RDH13: variants seen among roughly 807,000 people sequenced by gnomAD.
RDH13 encodes the protein retinol dehydrogenase 13 (all-trans and 9-cis).
In RDH13, 35 loss-of-function variants were observed where a neutral mutation model predicts 28.3. That is an observed-to-expected ratio of 1.24 (90% CI 0.95 to 1.64). The LOEUF is 1.64. Ranked by LOEUF, RDH13 falls within the 40% of genes most tolerant of loss-of-function variation. The pLI, the probability that RDH13 is intolerant of heterozygous loss-of-function variation, is 0.00. For synonymous variants in RDH13, 229 were observed against 198.5 expected, an observed-to-expected ratio of 1.15 and a Z score of -1.29; for missense variants, 514 against 446.3, an observed-to-expected ratio of 1.15 and a Z score of -1.37.
intron 3 of RDH13, chr19:55,050,868 A>G (rs1201809942): frequency 6.6e-6 from 1 of 151,990 alleles, no homozygotes. Flanking sequence ...TCTGTGTGAG[A>G]AGGAGGGGGT....
At position 55,048,671 on chromosome 19, in the gene RDH13, C is replaced by T. The variant is rs766560945; in HGVS notation, c.433G>A (p.Val145Ile). 25 of 1,613,906 alleles carry T rather than the reference C, an allele frequency of 1.5e-5. No homozygotes were observed. The highest frequency in any genetic ancestry group is 1.1e-4 in the East Asian group (5 of 44,864). Reference sequence around the variant, plus strand: ...GCCCAGGCCTCACCCAGGTGGTTAACGCCAAACTGCATCTCGAAGCCGTCC... The same window carrying T: ...GCCCAGGCCTCACCCAGGTGGTTAATGCCAAACTGCATCTCGAAGCCGTCC... ...TEDGFEMQFG[V>I]NHLGHFLLTN... The change falls in exon 4 of 7, where the codon GTT becomes ATT. Residue 145 changes from valine to isoleucine, a missense_variant. Coordinates refer to ENST00000415061, the MANE Select transcript of RDH13 (RefSeq NM_001145971.2).
chr19:55,052,438 G>GGAGGCT (rs1381321773), intron 3 of RDH13, among the ~76,000 whole-genome samples: 4 of 151,436 alleles, frequency 2.6e-5, no homozygotes, highest in Non-Finnish European at 5.9e-5. Flanking sequence ...CAGCTACTCG[G>GGAGGCT]GAGGCTGAGG....
At chr19:55,049,789 C>G in intron 3 of RDH13, among the ~76,000 whole-genome samples, 1 of 126,482 alleles carries the variant, frequency 7.9e-6, no homozygotes, top group Non-Finnish European at 1.6e-5. Context: ...AACTCCATCT[C>G]AAAAAAAAAA....
rs974159452 is a variant in RDH13, at chr19:55,044,753, C to T, written c.*321G>A. The T allele has an allele frequency of 9.0e-5, 34 of 379,164 alleles. No homozygotes were observed. Among genetic ancestry groups the T allele is most frequent in the East Asian group, 2.1e-4 (5 of 23,438 alleles). 23.5% of individuals were successfully genotyped at this position (379,164 alleles called of 1,614,324 possible). On this transcript the variant is annotated 3_prime_UTR_variant, in exon 7 of 7. Transcript: ENST00000415061. The stretch of plus-strand genomic sequence containing the variant: ...CCTTGGAACCCTCCCCGACAGGCAC[C>T]GCTGGCTCTCCTGACGTGGCCTGCA...
chr19:55,049,286 C>T (rs1378153771), intron 3 of RDH13, among the ~76,000 whole-genome samples: 2 of 152,182 alleles, frequency 1.3e-5, no homozygotes, highest in Non-Finnish European at 2.9e-5. Flanking sequence ...AGGCCAAAAA[C>T]GGGAGGTTAC....
intron 3 of RDH13, among the ~76,000 whole-genome samples, chr19:55,053,512 C>T (rs1304356567): frequency 1.3e-5 from 2 of 151,682 alleles, no homozygotes; most frequent in Admixed American, 6.6e-5. Flanking sequence ...AAAAATTAGC[C>T]GGGCGTGGTG....
At chr19:55,053,689 G>A (rs1394012574) in intron 3 of RDH13, 1 of 150,252 alleles carries the variant, frequency 6.7e-6, no homozygotes, top group African/African-American at 2.5e-5. Context: ...GAGAATCCCA[G>A]AAAATAGAAG....
At chr19:55,066,622 C>A (rs150322383), upstream of RDH13, among the ~76,000 whole-genome samples, 5 of 148,600 alleles carry the variant, frequency 3.4e-5, no homozygotes, top group African/African-American at 1.2e-4. Flanking sequence ...CTCTTCTTGT[C>A]TCTTTCTCTC....
intron 5 of RDH13, chr19:55,047,969 T>C (rs1263279716): frequency 2.7e-6 from 3 of 1,109,708 alleles, no homozygotes; most frequent in African/African-American, 1.6e-5. Flanking sequence ...GAGCAATCTC[T>C]CCCCAAGCCA....
chr19:55,049,576 G>C (rs1029114305), intron 3 of RDH13, among the ~76,000 whole-genome samples: 2 of 152,120 alleles, frequency 1.3e-5, no homozygotes, highest in Non-Finnish European at 2.9e-5. Flanking sequence ...GATCACCTGA[G>C]GTCAGGAGTT....
rs779254228 is a variant in RDH13, at chr19:55,059,277, T to C, written c.66-2A>G. On this transcript the variant is annotated splice_acceptor_variant, in intron 1 of 6. Transcript: ENST00000415061. LOFTEE classifies it high-confidence loss of function. ...CAAGCCCCACCGGTGACATAGTCCC[T>C]GAGGGTGAGAAGCGGCACGGTCAGT... 20 of 1,586,140 alleles carry C rather than the reference T, an allele frequency of 1.3e-5. No homozygotes were observed. Among genetic ancestry groups the C allele is most frequent in the Non-Finnish European group, 1.6e-5 (19 of 1,165,048 alleles).
intron 3 of RDH13, among the ~76,000 whole-genome samples, chr19:55,049,686 G>A (rs1056051140): frequency 3.9e-5 from 6 of 151,982 alleles, no homozygotes; most frequent in Non-Finnish European, 8.8e-5. Flanking sequence ...CTACTCAGGA[G>A]GCTGAGGCGG....
At chr19:55,065,277 G>A (rs139315172), upstream of RDH13, among the ~76,000 whole-genome samples, 753 of 151,582 alleles carry the variant, frequency 5.0e-3, 6 homozygotes, top group Non-Finnish European at 5.3e-3. Flanking sequence ...TCAGCTACTT[G>A]GGAGGCTGAG....
intron 2 of RDH13, among the ~76,000 whole-genome samples, chr19:55,057,444 T>TC (rs1323597624): frequency 6.6e-6 from 1 of 151,088 alleles, no homozygotes; most frequent in Non-Finnish European, 1.5e-5. Context: ...CCTTTTTTTT[T>TC]TTTTTTTAGA....
At chr19:55,058,750 T>G (rs947124234) in intron 2 of RDH13, among the ~76,000 whole-genome samples, 3 of 152,152 alleles carry the variant, frequency 2.0e-5, no homozygotes, top group Admixed American at 6.6e-5. Flanking sequence ...GCGCCATCTC[T>G]GCTCACTGCA....
chr19:55,045,124 G>T lies in RDH13; in HGVS notation c.946C>A (p.Leu316Met). The change falls in exon 7 of 7, where the codon CTG (leucine) becomes ATG (methionine). Residue 316 changes from leucine to methionine, a missense_variant. Coordinates refer to ENST00000415061, the MANE Select transcript of RDH13 (RefSeq NM_001145971.2). ...ARRLWAESAR[L>M]VGLEAPSVRE... Reference sequence around the variant, plus strand: ...ACAGAGGGAGCCTCTAAGCCCACCAGGCGGGCACTTTCAGCCCAAAGCCTC... The same window carrying T: ...ACAGAGGGAGCCTCTAAGCCCACCATGCGGGCACTTTCAGCCCAAAGCCTC... 1 of 1,613,438 alleles carries T rather than the reference G, an allele frequency of 6.2e-7. No individual in the cohort carries two copies. The highest frequency in any genetic ancestry group is 8.5e-7 in the Non-Finnish European group (1 of 1,179,952).
intron 6 of RDH13, chr19:55,047,173 G>A (rs972706763): frequency 4.5e-5 from 62 of 1,393,098 alleles, no homozygotes; most frequent in Admixed American, 6.1e-5. Context: ...TTTCTCATCC[G>A]CCAGCAGGGC....
chr19:55,056,811 G>A lies in RDH13; in HGVS notation c.185-3C>T, dbSNP rs1960785189. 1 of 1,612,852 alleles carries A rather than the reference G, an allele frequency of 6.2e-7. No homozygotes were observed. Among genetic ancestry groups the A allele is most frequent in the East Asian group, 2.2e-5 (1 of 44,860 alleles). Reference sequence around the variant, plus strand: ...GCAGGCCAGGATGATGTTGCCTCCTGAAAACCCAGGATGGAAAAAGATTTA... The same window carrying A: ...GCAGGCCAGGATGATGTTGCCTCCTAAAAACCCAGGATGGAAAAAGATTTA... On this transcript the variant is annotated splice_polypyrimidine_tract_variant and splice_region_variant and intron_variant, in intron 2 of 6. Transcript: ENST00000415061.
Position 55,056,771 on chromosome 19 carries a change from C to T in RDH13, c.222G>A (p.Lys74=), listed in dbSNP as rs1331105698. 2 of 1,614,042 alleles carry T rather than the reference C, an allele frequency of 1.2e-6. No homozygotes were observed. The highest frequency in any genetic ancestry group is 8.5e-7 in the Non-Finnish European group (1 of 1,180,036). ...GGATGTCCTTTGCTGCCGCCTCACA[C>T]TTCTCCATGTCTCGGCAGGCCAGGA... ...NIILACRDME[K]CEAAAKDIRG... Residue 74 remains lysine, a synonymous_variant, in exon 3 of 7, where the codon AAG becomes AAA. Transcript: ENST00000415061.
Sources: gnomAD v4.1 joint callset for allele counts (sites outside exome capture counted in the v4.1 genomes callset) on GRCh38, gnomAD v4.1.1 for gene constraint, MANE v1.5 for transcripts, NCBI Gene and HGNC (gene_info 2026-07-23, HGNC 2026-07-21) for gene names.